Variants in CORIN observed in about 807,000 individuals in gnomAD.
CORIN encodes the protein corin, serine peptidase.
Under a neutral mutation model 125.3 loss-of-function variants are expected in CORIN, and 117 were observed. The ratio of observed to expected loss-of-function variants is 0.93; its 90% CI spans 0.80 to 1.09. The LOEUF is 1.09. CORIN is among the 50% of genes least tolerant of loss of function. CORIN has a pLI of 0.00. For missense variants in CORIN, 1,253 were observed against 1,306.7 expected (o/e 0.96, Z 0.63); for synonymous variants, 450 against 466.4 (o/e 0.96, Z 0.45).
At chr4:47,764,265 C>G (rs1404678363) in intron 3 of CORIN, among the ~76,000 whole-genome samples, 1 of 152,152 alleles carries the variant, frequency 6.6e-6, no homozygotes, top group African/African-American at 2.4e-5. Flanking sequence ...TGTAATCCCG[C>G]CTATGTCAAC....
chr4:47,741,599 A>T (rs1285886065), intron 5 of CORIN, among the ~76,000 whole-genome samples: 1 of 152,074 alleles, frequency 6.6e-6, no homozygotes, highest in Non-Finnish European at 1.5e-5. Context: ...AAAATCTTAT[A>T]CGCAAATATT....
intron 4 of CORIN, among the ~76,000 whole-genome samples, chr4:47,757,305 A>C (rs1729194411): frequency 6.6e-6 from 1 of 152,140 alleles, no homozygotes; most frequent in African/African-American, 2.4e-5. Context: ...TATAATAATA[A>C]ATGCAGGGCC....
intron 5 of CORIN, among the ~76,000 whole-genome samples, chr4:47,733,301 T>C (rs776639180): frequency 1.1e-4 from 17 of 152,218 alleles, no homozygotes; most frequent in South Asian, 2.1e-4. Flanking sequence ...TTGCAAAATA[T>C]CCATATAAGT....
At chr4:47,661,632 A>G in intron 12 of CORIN, 79 bp downstream of exon 12, 1 of 1,316,362 alleles carries the variant, frequency 7.6e-7, no homozygotes, top group Non-Finnish European at 1.0e-6. Context: ...ACAAGAAGCC[A>G]TAAATAGAAG....
At chr4:47,633,336 A>G (rs1184467503) in intron 16 of CORIN, among the ~76,000 whole-genome samples, 1 of 152,218 alleles carries the variant, frequency 6.6e-6, no homozygotes, top group Non-Finnish European at 1.5e-5. Flanking sequence ...TTTATAAAAT[A>G]TGACTGTTAA....
At chr4:47,615,317 C>T (rs6839636) in intron 19 of CORIN, among the ~76,000 whole-genome samples, 40,916 of 151,986 alleles carry the variant, frequency 0.27, 5,638 homozygotes, top group Admixed American at 0.35. Flanking sequence ...GTGTGATTTA[C>T]ATTTTAGAAA....
chr4:47,769,760 T>A (rs570659492), intron 3 of CORIN, among the ~76,000 whole-genome samples: 1 of 151,978 alleles, frequency 6.6e-6, no homozygotes, highest in Non-Finnish European at 1.5e-5. Context: ...GAATACACAA[T>A]GGGGAAACAA....
chr4:47,675,017 A>G (rs1478357250), intron 9 of CORIN, among the ~76,000 whole-genome samples: 1 of 152,238 alleles, frequency 6.6e-6, no homozygotes, highest in East Asian at 1.9e-4. Context: ...TGCAGCTGTT[A>G]TCCATATTTT....
chr4:47,796,969 T>A (rs1348193706), intron 2 of CORIN, among the ~76,000 whole-genome samples: 1 of 151,962 alleles, frequency 6.6e-6, no homozygotes, highest in African/African-American at 2.4e-5. Context: ...TGTAATTACT[T>A]AATGAAGTGA....
At chr4:47,670,271 T>A (rs1724687991) in intron 10 of CORIN, among the ~76,000 whole-genome samples, 1 of 152,256 alleles carries the variant, frequency 6.6e-6, no homozygotes, top group African/African-American at 2.4e-5. Flanking sequence ...CATGTCTTCA[T>A]TCATTAATTC....
chr4:47,629,535 A>C (rs1420804707), intron 16 of CORIN, among the ~76,000 whole-genome samples: 1 of 152,298 alleles, frequency 6.6e-6, no homozygotes, highest in Admixed American at 6.5e-5. Context: ...TAAAATGATA[A>C]AGTTGTTTTC....
intron 4 of CORIN, among the ~76,000 whole-genome samples, chr4:47,757,844 A>G (rs1412638624): frequency 7.0e-6 from 1 of 143,256 alleles, no homozygotes; most frequent in African/African-American, 2.5e-5. Context: ...AGAATGATTG[A>G]AATGAGTTTA....
At chr4:47,822,032 T>G (rs527963482) in intron 1 of CORIN, among the ~76,000 whole-genome samples, 2 of 152,132 alleles carry the variant, frequency 1.3e-5, no homozygotes, top group African/African-American at 2.4e-5. Context: ...AAGTTGTATA[T>G]TAACAGTATA....
At chr4:47,732,748 G>T (rs1334858977) in intron 5 of CORIN, among the ~76,000 whole-genome samples, 2 of 152,072 alleles carry the variant, frequency 1.3e-5, no homozygotes, top group Non-Finnish European at 2.9e-5. Context: ...TTTTAGTAGA[G>T]ACGCGGTTTC....
rs182792170 is a variant in CORIN at position 47,629,874 on chromosome 4, A to G, written c.2199-3353T>C. Among the ~76,000 whole-genome samples, 625 of 152,230 alleles carry G rather than the reference A, an allele frequency of 4.1e-3. 4 individuals carry two copies. The highest frequency in any genetic ancestry group is 5.7e-3 in the Non-Finnish European group (390 of 68,010). On this transcript the variant is annotated intron_variant, in intron 16 of 21. Transcript: ENST00000273857. Reference sequence around the variant, plus strand: ...TTTATAATTATTTCCCATTTTGGAGATGAAAAAATTGAGGTAGAGAAAACA... The same window carrying G: ...TTTATAATTATTTCCCATTTTGGAGGTGAAAAAATTGAGGTAGAGAAAACA...
intron 5 of CORIN, among the ~76,000 whole-genome samples, chr4:47,731,006 G>C (rs1291107184): frequency 6.6e-6 from 1 of 152,242 alleles, no homozygotes; most frequent in Admixed American, 6.5e-5. Flanking sequence ...GGTGGTTGTG[G>C]AGATAGTGAG....
chr4:47,715,795 T>C (rs1373794508), intron 5 of CORIN, among the ~76,000 whole-genome samples: 1 of 152,194 alleles, frequency 6.6e-6, no homozygotes, highest in African/African-American at 2.4e-5. Context: ...CTTTTTCCTT[T>C]CCACTGAGGA....
At chr4:47,817,552 T>A (rs1732327804) in intron 1 of CORIN, among the ~76,000 whole-genome samples, 1 of 152,176 alleles carries the variant, frequency 6.6e-6, no homozygotes, top group Non-Finnish European at 1.5e-5. Context: ...GTTTTTAGCT[T>A]CTGGAGGTGA....
chr4:47,597,969 G>A (rs1035392642), intron 21 of CORIN, among the ~76,000 whole-genome samples: 1 of 152,140 alleles, frequency 6.6e-6, no homozygotes, highest in Non-Finnish European at 1.5e-5. Context: ...AGGTGGAGAG[G>A]AATAAAAAAT....
Sources: gnomAD v4.1 joint callset for allele counts (sites outside exome capture counted in the v4.1 genomes callset) on GRCh38, gnomAD v4.1.1 for gene constraint, MANE v1.5 for transcripts, NCBI Gene and HGNC (gene_info 2026-07-23, HGNC 2026-07-21) for gene names.